Variants in TMEM117 observed in about 807,000 individuals in gnomAD.
The protein encoded by TMEM117 is transmembrane protein 117.
In TMEM117, 27 loss-of-function variants were observed where a neutral mutation model predicts 52.4. That is an observed-to-expected ratio of 0.51 (90% CI 0.38 to 0.71). TMEM117 has a LOEUF of 0.71. Ranked by LOEUF, TMEM117 falls within the 30% of genes least tolerant of loss-of-function variation. The pLI, the probability that TMEM117 is intolerant of heterozygous loss-of-function variation, is 0.00. For missense variants in TMEM117, 556 were observed against 630.5 expected (o/e 0.88, Z 1.26); for synonymous variants, 215 against 206.3 (o/e 1.04, Z -0.36).
At chr12:43,886,378 T>C (rs1391753803) in intron 2 of TMEM117, among the ~76,000 whole-genome samples, 2 of 152,118 alleles carry the variant, frequency 1.3e-5, no homozygotes, top group African/African-American at 2.4e-5. Context: ...AATGGTCAAG[T>C]AGGGAAGGAC....
chr12:44,314,879 A>G (rs763358252), intron 6 of TMEM117, among the ~76,000 whole-genome samples: 30 of 152,290 alleles, frequency 2.0e-4, no homozygotes, highest in Non-Finnish European at 3.4e-4. Flanking sequence ...CTGTGAATCC[A>G]TCTGATCCAG....
intron 3 of TMEM117, among the ~76,000 whole-genome samples, chr12:44,063,658 C>G (rs1444711366): frequency 6.7e-6 from 1 of 149,908 alleles, no homozygotes; most frequent in Non-Finnish European, 1.5e-5. Context: ...TGATGTCCCC[C>G]TTCCTGTGTC....
chr12:44,028,672 C>T (rs1360504229), intron 3 of TMEM117, among the ~76,000 whole-genome samples: 1 of 152,180 alleles, frequency 6.6e-6, no homozygotes, highest in East Asian at 1.9e-4. Context: ...GAATGATCCG[C>T]ACCTTGATTA....
chr12:44,152,636 TA>T (rs1446472024), intron 4 of TMEM117, among the ~76,000 whole-genome samples: 1 of 129,208 alleles, frequency 7.7e-6, no homozygotes, highest in Non-Finnish European at 1.6e-5. Context: ...ATATCATATA[TA>T]AATTTTTATA....
chr12:43,931,620 T>C (rs1944872404), intron 2 of TMEM117, among the ~76,000 whole-genome samples: 1 of 152,270 alleles, frequency 6.6e-6, no homozygotes, highest in Non-Finnish European at 1.5e-5. Flanking sequence ...AATTTCAATA[T>C]TTAAAGTTCT....
At chr12:44,007,905 T>C (rs1244826650) in intron 3 of TMEM117, among the ~76,000 whole-genome samples, 1 of 152,144 alleles carries the variant, frequency 6.6e-6, no homozygotes, top group African/African-American at 2.4e-5. Flanking sequence ...CACGTGGAAC[T>C]GTAAGTCCAC....
chr12:43,796,971 G>T, the TMEM117 span: 1 of 1,607,226 alleles, frequency 6.2e-7, no homozygotes, highest in African/African-American at 1.3e-5. Flanking sequence ...AAATAGGTGG[G>T]CTACCTTTCT....
intron 3 of TMEM117, among the ~76,000 whole-genome samples, chr12:44,067,454 T>C (rs1947238389): frequency 6.6e-6 from 1 of 152,206 alleles, no homozygotes; most frequent in South Asian, 2.1e-4. Context: ...TTGAAGTTAC[T>C]CCTTGATCCA....
intron 3 of TMEM117, among the ~76,000 whole-genome samples, chr12:44,105,971 C>G (rs993032401): frequency 5.9e-5 from 9 of 152,056 alleles, no homozygotes; most frequent in Non-Finnish European, 7.4e-5. Flanking sequence ...CTATGACTTG[C>G]TCCCTGTGGA....
chr12:44,390,032 G>A (rs1204325922), downstream of TMEM117, among the ~76,000 whole-genome samples: 1 of 151,920 alleles, frequency 6.6e-6, no homozygotes, highest in Non-Finnish European at 1.5e-5. Context: ...CTACTTTTAA[G>A]CTTGCAGCAT....
At position 44,076,828 on chromosome 12, in the gene TMEM117, C is replaced by G. The variant is rs562499170; in HGVS notation, c.411-66697C>G. Among the ~76,000 whole-genome samples, 20 of 152,024 alleles carry G rather than the reference C, an allele frequency of 1.3e-4. No homozygotes were observed. The East Asian group carries it at 3.9e-3, about 29-fold the overall frequency. On this transcript the variant is annotated intron_variant, in intron 3 of 7. Coordinates refer to ENST00000266534, the MANE Select transcript of TMEM117 (RefSeq NM_032256.3). ...TTATTGTAGCAGGCTGTAAAATAGC[C>G]CGATGGAAGATATGAAAAAATCAAA...
At chr12:44,156,994 A>C (rs1035782973) in intron 4 of TMEM117, among the ~76,000 whole-genome samples, 1 of 152,146 alleles carries the variant, frequency 6.6e-6, no homozygotes, top group African/African-American at 2.4e-5. Context: ...CTTCATGGAA[A>C]ACCTGACAGA....
chr12:44,054,152 T>A (rs527281903), intron 3 of TMEM117, among the ~76,000 whole-genome samples: 1 of 152,320 alleles, frequency 6.6e-6, no homozygotes, highest in East Asian at 1.9e-4. Context: ...GGAGATCCCC[T>A]GGGTATCAAA....
intron 3 of TMEM117, among the ~76,000 whole-genome samples, chr12:43,974,679 G>A (rs1366908748): frequency 2.0e-5 from 3 of 152,020 alleles, no homozygotes; most frequent in African/African-American, 4.8e-5. Context: ...TGTTCCAGAT[G>A]TACATTTTTG....
chr12:43,850,939 A>G (rs943642762), intron 2 of TMEM117, among the ~76,000 whole-genome samples: 7 of 152,224 alleles, frequency 4.6e-5, no homozygotes, highest in African/African-American at 9.6e-5. Context: ...TGACGAGCAC[A>G]GAAATTTTTG....
chr12:44,181,542 G>A lies in TMEM117; in HGVS notation c.511-29748G>A, dbSNP rs200148489. On this transcript the variant is annotated intron_variant, in intron 4 of 7. Coordinates refer to ENST00000266534, the MANE Select transcript of TMEM117 (RefSeq NM_032256.3). ...AATTGATTTTTGTATAAGGTGTAAG[G>A]AAGGGATCCAGTTTCAGCTTTCTAC... Among the ~76,000 whole-genome samples, 20 of 151,156 alleles carry A rather than the reference G, an allele frequency of 1.3e-4. No homozygotes were observed. In the East Asian group the frequency reaches 3.1e-3, roughly 23 times the overall value.
chr12:44,080,015 CAAAA>C lies in TMEM117; in HGVS notation c.411-63493_411-63490del, dbSNP rs747963448. On this transcript the variant is annotated intron_variant, in intron 3 of 7. Transcript: ENST00000266534. ...CCTGGGCGACAGAGTAACTCCATCT[CAAAA>C]AAAAAAAAAAAAAAAAGAGTGCATA... is the stretch of plus-strand genomic sequence containing the variant. 6.0e-3 allele frequency among the ~76,000 whole-genome samples: 345 copies of C among 57,944 alleles called. 2 individuals are homozygous for C. The highest frequency in any genetic ancestry group is 0.015 in the African/African-American group (323 of 22,152). 38.0% of individuals were successfully genotyped at this position (57,944 alleles called of 152,430 possible). A position where few individuals can be genotyped will look rare whatever the true frequency, so the allele number is the denominator to read the frequency against.
At chr12:43,939,456 A>T (rs1945009171) in intron 2 of TMEM117, among the ~76,000 whole-genome samples, 1 of 152,160 alleles carries the variant, frequency 6.6e-6, no homozygotes, top group Non-Finnish European at 1.5e-5. Flanking sequence ...TTGCTTACCA[A>T]GGTAAGCAGA....
chr12:44,092,466 G>A (rs1171106954), intron 3 of TMEM117, among the ~76,000 whole-genome samples: 1 of 152,106 alleles, frequency 6.6e-6, no homozygotes, highest in Non-Finnish European at 1.5e-5. Context: ...TCTTGCCTAG[G>A]AGGTAGGAGA....
Sources: allele counts gnomAD v4.1 joint callset (sites outside exome capture counted in the v4.1 genomes callset), GRCh38; gene constraint gnomAD v4.1.1; transcripts MANE v1.5; gene names NCBI Gene and HGNC (gene_info 2026-07-23, HGNC 2026-07-21).